MARK3: variants seen among roughly 807,000 people sequenced by gnomAD.
The protein encoded by MARK3 is microtubule affinity regulating kinase 3.
MARK3 carries 46 observed loss-of-function variants against 90.1 expected under a neutral mutation model. The observed-to-expected ratio is 0.51, with a 90% CI of 0.40 to 0.65. The LOEUF is 0.65. Among genes scored for constraint, MARK3 ranks in the 30% least tolerant of loss-of-function variants. The probability of loss-of-function intolerance (pLI) is 0.00; values close to 1 mark genes in which losing one functional copy is unlikely to be tolerated. For missense variants in MARK3, 818 were observed against 947.2 expected (o/e 0.86, Z 1.79); for synonymous variants, 321 against 332.6 (o/e 0.97, Z 0.38).
intron 6 of MARK3, chr14:103,458,656 G>A: frequency 1.6e-6 from 1 of 608,830 alleles, no homozygotes; most frequent in East Asian, 2.9e-5. Flanking sequence ...TTCTCACAAG[G>A]CCTACATTGA....
chr14:103,403,326 TTGTGTGTGTGTGTGTG>T lies in MARK3; in HGVS notation c.52-1718_52-1703del, dbSNP rs59913493. Among the ~76,000 whole-genome samples the T allele has an allele frequency of 2.5e-3, 351 of 138,540 alleles. 2 individuals are homozygous for T. Among genetic ancestry groups the T allele is most frequent in the East Asian group, 9.4e-3 (44 of 4,700 alleles). The allele number at this position is 138,540 out of a possible 152,430, so 90.9% of individuals were successfully genotyped here. ...TTACCACACCTTAAATAGTGCCTGG[TTGTGTGTGTGTGTGTG>T]TGTGTGTGTGTGTGTGTGTGTGTGT... On this transcript the variant is annotated intron_variant, in intron 1 of 17. Coordinates refer to ENST00000429436, the MANE Select transcript of MARK3 (RefSeq NM_001128918.3).
intron 3 of MARK3, among the ~76,000 whole-genome samples, chr14:103,430,454 C>G (rs1346263605): frequency 7.3e-6 from 1 of 137,320 alleles, no homozygotes; most frequent in African/African-American, 2.7e-5. Context: ...GTCATTCTTG[C>G]ATCCTTTTTT....
At position 103,461,882 on chromosome 14, in the gene MARK3, C is replaced by A. The variant is rs149937787; in HGVS notation, c.484-523C>A. On this transcript the variant is annotated intron_variant, in intron 6 of 17. Coordinates refer to ENST00000429436, the MANE Select transcript of MARK3 (RefSeq NM_001128918.3). ...TGAAACCCCATCTCTACTAAAAATA[C>A]GAAATTGGCCGGGCATGGTGGTGCA... is the stretch of plus-strand genomic sequence containing the variant. 9.2e-4 allele frequency among the ~76,000 whole-genome samples: 140 copies of A among 152,010 alleles called. 2 individuals carry two copies. Among genetic ancestry groups the A allele is most frequent in the African/African-American group, 3.4e-3 (139 of 41,462 alleles).
At chr14:103,442,942 T>TGGGGCC (rs2092895933) in intron 3 of MARK3, among the ~76,000 whole-genome samples, 1 of 103,736 alleles carries the variant, frequency 9.6e-6, no homozygotes. Flanking sequence ...TTGGTGGGTG[T>TGGGGCC]CCCCCCCCCT....
intron 3 of MARK3, among the ~76,000 whole-genome samples, chr14:103,448,538 C>A (rs1236557467): frequency 6.6e-6 from 1 of 152,126 alleles, no homozygotes; most frequent in East Asian, 1.9e-4. Flanking sequence ...TGGAACCATA[C>A]AGGTTTTGAT....
chr14:103,421,220 A>G (rs1463201308), intron 2 of MARK3, among the ~76,000 whole-genome samples: 1 of 152,220 alleles, frequency 6.6e-6, no homozygotes, highest in Non-Finnish European at 1.5e-5. Context: ...AGGTGTTCTT[A>G]AACAGACACA....
At chr14:103,458,311 T>C (rs2093319893) in intron 6 of MARK3, among the ~76,000 whole-genome samples, 3 of 151,872 alleles carry the variant, frequency 2.0e-5, no homozygotes, top group African/African-American at 7.3e-5. Context: ...ACACAAAAAT[T>C]AGCCGGGCAT....
chr14:103,466,560 A>G, intron 10 of MARK3, 118 bp downstream of exon 10: 1 of 645,884 alleles, frequency 1.5e-6, no homozygotes, highest in East Asian at 2.8e-5. Context: ...TCATATGAAC[A>G]GTTTATCTGT....
chr14:103,454,151 G>C (rs570698631), intron 5 of MARK3, among the ~76,000 whole-genome samples: 2 of 152,138 alleles, frequency 1.3e-5, no homozygotes, highest in African/African-American at 4.8e-5. Context: ...TGAGCTTCAC[G>C]GTGAGCATAG....
At chr14:103,465,286 A>T (rs1166950116) in intron 7 of MARK3, among the ~76,000 whole-genome samples, 1 of 152,116 alleles carries the variant, frequency 6.6e-6, no homozygotes, top group Non-Finnish European at 1.5e-5. Context: ...ATTATTATCA[A>T]TTGAAAAACT....
intron 6 of MARK3, among the ~76,000 whole-genome samples, chr14:103,458,186 G>A (rs757782378): frequency 6.6e-6 from 1 of 152,166 alleles, no homozygotes; most frequent in East Asian, 1.9e-4. Context: ...GGCTGGGTGC[G>A]ATGGCTCATG....
chr14:103,409,185 C>T (rs1324831845), intron 2 of MARK3, among the ~76,000 whole-genome samples: 1 of 151,500 alleles, frequency 6.6e-6, no homozygotes, highest in African/African-American at 2.4e-5. Context: ...TAAAAACTTT[C>T]TCAGTTTCTC....
At chr14:103,482,062 A>G (rs55658071) in intron 14 of MARK3, among the ~76,000 whole-genome samples, 94,486 of 151,118 alleles carry the variant, frequency 0.63, 30,636 homozygotes, top group Middle Eastern at 0.76. Flanking sequence ...CACCGTACCC[A>G]GCCAGGTATT....
intron 1 of MARK3, among the ~76,000 whole-genome samples, chr14:103,397,851 C>T (rs1595456557): frequency 6.6e-6 from 1 of 152,142 alleles, no homozygotes; most frequent in African/African-American, 2.4e-5. Context: ...TGTGAAGAGT[C>T]ACATTATCTT....
At chr14:103,464,323 G>T (rs1300784103) in intron 7 of MARK3, among the ~76,000 whole-genome samples, 1 of 116,482 alleles carries the variant, frequency 8.6e-6, no homozygotes, top group African/African-American at 3.2e-5. Context: ...TTTTGAGACG[G>T]AGTCTCACTT....
Position 103,503,444 on chromosome 14 carries a change from C to T in MARK3, c.*217C>T, listed in dbSNP as rs543707643. ...ACCTATGCGCCCCCTGCCCTACTTC[C>T]GTTACCCTGAGAGTCGGTGTGTGGC... On this transcript the variant is annotated 3_prime_UTR_variant, in exon 18 of 18. Coordinates refer to ENST00000429436, the MANE Select transcript of MARK3 (RefSeq NM_001128918.3). 20 of 553,798 alleles carry T rather than the reference C, an allele frequency of 3.6e-5. No homozygotes were observed. Among genetic ancestry groups the T allele is most frequent in the South Asian group, 3.0e-4 (13 of 43,706 alleles). 34.3% of individuals were successfully genotyped at this position (553,798 alleles called of 1,614,324 possible). A position where few individuals can be genotyped will look rare whatever the true frequency, so the allele number is the denominator to read the frequency against.
intron 15 of MARK3, among the ~76,000 whole-genome samples, chr14:103,493,278 A>G (rs2075117078): frequency 1.1e-5 from 1 of 92,474 alleles, no homozygotes. Context: ...TTTTTTTGAG[A>G]CGGAGTCTCA....
chr14:103,424,538 C>A (rs75436003), intron 2 of MARK3, among the ~76,000 whole-genome samples: 124 of 11,262 alleles, frequency 0.011, no homozygotes, highest in Admixed American at 0.016. Context: ...AAAAAAAAAA[C>A]AAAAAAAAGA....
chr14:103,410,895 GTATT>G (rs2091589366), intron 2 of MARK3, among the ~76,000 whole-genome samples: 8 of 152,116 alleles, frequency 5.3e-5, no homozygotes, highest in Admixed American at 5.2e-4. Flanking sequence ...AAGTTTTTAA[GTATT>G]TATGTGGCAA....
Sources: gnomAD v4.1 joint callset for allele counts (sites outside exome capture counted in the v4.1 genomes callset) on GRCh38, gnomAD v4.1.1 for gene constraint, MANE v1.5 for transcripts, NCBI Gene and HGNC (gene_info 2026-07-23, HGNC 2026-07-21) for gene names.